NUP160: variants seen among roughly 807,000 people sequenced by gnomAD.
The protein encoded by NUP160 is nuclear pore complex protein Nup160.
Under a neutral mutation model 196.9 loss-of-function variants are expected in NUP160, and 94 were observed. The ratio of observed to expected loss-of-function variants is 0.48; its 90% CI spans 0.40 to 0.57. The LOEUF is 0.57. Among genes scored for constraint, NUP160 ranks in the 20% least tolerant of loss-of-function variants. NUP160 has a pLI of 0.00. For synonymous variants in NUP160, 605 were observed against 619.7 expected (o/e 0.98, Z 0.35); for missense variants, 1,638 against 1,748.3 (o/e 0.94, Z 1.13).
At chr11:47,840,475 T>C in exon 3 of NUP160, 1 of 1,614,160 alleles carries the variant, frequency 6.2e-7, no homozygotes, top group East Asian at 2.2e-5. Flanking sequence ...CTCAGAGACA[T>C]AAACCCCTCC....
intron 13 of NUP160, among the ~76,000 whole-genome samples, chr11:47,814,538 C>CAA (rs1164398938): frequency 4.9e-4 from 45 of 91,328 alleles, no homozygotes; most frequent in East Asian, 3.6e-3. Flanking sequence ...AAGACTGTCT[C>CAA]AAAAAAAAAA....
chr11:47,824,810 TTTTG>T (rs1460002794), intron 7 of NUP160, among the ~76,000 whole-genome samples: 3 of 126,690 alleles, frequency 2.4e-5, no homozygotes, highest in African/African-American at 7.6e-5. Flanking sequence ...CAGCTTTTTC[TTTTG>T]TTTTTTTTTT....
chr11:47,829,022 T>C (rs1014945534), intron 7 of NUP160, among the ~76,000 whole-genome samples: 3 of 152,176 alleles, frequency 2.0e-5, no homozygotes. Flanking sequence ...TAAATCGTTA[T>C]GACCTTAGGT....
At chr11:47,789,337 G>A (rs1038395245) in intron 29 of NUP160, among the ~76,000 whole-genome samples, 4 of 152,164 alleles carry the variant, frequency 2.6e-5, no homozygotes, top group Non-Finnish European at 2.9e-5. Flanking sequence ...GTGAAATACT[G>A]TCTGTCATCT....
intron 7 of NUP160, among the ~76,000 whole-genome samples, chr11:47,826,343 G>A (rs1851967353): frequency 6.6e-6 from 1 of 152,180 alleles, no homozygotes; most frequent in South Asian, 2.1e-4. Flanking sequence ...TAGGCTAACA[G>A]TGTTACATAG....
intron 6 of NUP160, among the ~76,000 whole-genome samples, chr11:47,836,180 G>C (rs1295072686): frequency 6.6e-6 from 1 of 152,126 alleles, no homozygotes; most frequent in Non-Finnish European, 1.5e-5. Flanking sequence ...CCTGGGAGGC[G>C]GAGGTTGCAG....
In NUP160 at chr11:47,783,200, T is replaced by C. The variant is rs2097662523; in HGVS notation, c.3991-2A>G. 1 of 1,613,064 alleles carries C rather than the reference T, an allele frequency of 6.2e-7. No homozygotes were observed. Among genetic ancestry groups the C allele is most frequent in the Non-Finnish European group, 8.5e-7 (1 of 1,179,654 alleles). ...AAGCAATTCAGCAGCATCAACCTTC[T>C]GTGAAAAGTCAGTGATTAAGAATAT... On this transcript the variant is annotated splice_acceptor_variant, in intron 33 of 35. Coordinates refer to ENST00000378460, the Ensembl canonical transcript of NUP160. LOFTEE classifies it high-confidence loss of function.
chr11:47,808,218 T>A (rs1599322399), intron 18 of NUP160, among the ~76,000 whole-genome samples, 178 bp downstream of exon 18: 1 of 152,002 alleles, frequency 6.6e-6, no homozygotes, highest in Non-Finnish European at 1.5e-5. Flanking sequence ...GAGGCGGAGG[T>A]TGCAGTGAGC....
chr11:47,779,238 T>C, intron 35 of NUP160, 44 bp from the exon 36 acceptor site: 1 of 1,257,586 alleles, frequency 8.0e-7, no homozygotes, highest in Non-Finnish European at 1.1e-6. Context: ...AGCTCAACAA[T>C]GGAAAAATAT....
chr11:47,808,992 T>C (rs903843829), intron 17 of NUP160, among the ~76,000 whole-genome samples: 14 of 151,768 alleles, frequency 9.2e-5, no homozygotes, highest in Admixed American at 2.0e-4. Flanking sequence ...TCCCAACTAT[T>C]TGGGAGGCTG....
At chr11:47,794,807 G>T (rs1039328235) in intron 27 of NUP160, among the ~76,000 whole-genome samples, 1 of 151,976 alleles carries the variant, frequency 6.6e-6, no homozygotes, top group African/African-American at 2.4e-5. Flanking sequence ...AGCTACTCAG[G>T]AGTCTGAGGC....
intron 27 of NUP160, among the ~76,000 whole-genome samples, chr11:47,796,684 A>G (rs1216158719): frequency 6.6e-6 from 1 of 152,208 alleles, no homozygotes; most frequent in African/African-American, 2.4e-5. Context: ...GAATGAAGAA[A>G]AAAGAATTCA....
At chr11:47,821,552 C>T (rs543000765) in intron 9 of NUP160, 172 bp downstream of exon 9, 453 of 544,998 alleles carry the variant, frequency 8.3e-4, no homozygotes, top group Non-Finnish European at 1.1e-3. Flanking sequence ...TTAGTAGAGA[C>T]GGGGTTTCTG....
chr11:47,817,342 C>CTTTT (rs904451058), intron 11 of NUP160, among the ~76,000 whole-genome samples: 2 of 132,434 alleles, frequency 1.5e-5, no homozygotes, highest in Non-Finnish European at 3.3e-5. Flanking sequence ...AAGCCAAAAA[C>CTTTT]TTTTTTTTTT....
chr11:47,831,572 A>T (rs941587209), intron 7 of NUP160, among the ~76,000 whole-genome samples: 1 of 151,798 alleles, frequency 6.6e-6, no homozygotes, highest in South Asian at 2.1e-4. Flanking sequence ...GGCCAGGTGC[A>T]GTGGCTCACG....
chr11:47,843,340 C>T (rs998545140), intron 2 of NUP160, among the ~76,000 whole-genome samples: 5 of 152,270 alleles, frequency 3.3e-5, no homozygotes, highest in African/African-American at 7.2e-5. Flanking sequence ...GGCCAATTTT[C>T]GTTTCTCATC....
In NUP160 at chr11:47,805,828, C is replaced by CT. The variant is rs1018445467; in HGVS notation, c.2606+324dup. The stretch of plus-strand genomic sequence containing the variant: ...AGACTATTTAGATAGAAGAGAGCTG[C>CT]TTTTTTTTTTGAGAAGGAGTCTTGC... On this transcript the variant is annotated intron_variant, in intron 20 of 35. Transcript: ENST00000378460. 7.7e-3 allele frequency among the ~76,000 whole-genome samples: 1,145 copies of CT among 148,076 alleles called. 10 individuals are homozygous for CT. Among genetic ancestry groups the CT allele is most frequent in the African/African-American group, 0.019 (756 of 40,454 alleles).
exon 16 of NUP160, chr11:47,812,385 C>T: frequency 6.2e-7 from 1 of 1,613,874 alleles, no homozygotes; most frequent in Non-Finnish European, 8.5e-7. Flanking sequence ...GATTGGGTTC[C>T]TAATCTCTTG....
intron 33 of NUP160, 24 bp downstream of exon 33, chr11:47,784,898 C>A: frequency 6.5e-7 from 1 of 1,532,056 alleles, no homozygotes; most frequent in Non-Finnish European, 8.8e-7. Context: ...GGTTCTTACT[C>A]TGTACAAGTT....
Sources: gnomAD v4.1 joint callset for allele counts (sites outside exome capture counted in the v4.1 genomes callset) on GRCh38, gnomAD v4.1.1 for gene constraint, MANE v1.5 for transcripts, NCBI Gene and HGNC (gene_info 2026-07-23, HGNC 2026-07-21) for gene names.